The following EXT1 variants were observed in gnomAD, a reference collection of about 807,000 sequenced individuals.
EXT1 encodes the protein exostosin-1.
A neutral mutation model predicts 82.5 loss-of-function variants in EXT1; 20 were observed. The ratio of observed to expected loss-of-function variants is 0.24; its 90% CI spans 0.17 to 0.35. EXT1 has a LOEUF of 0.35. Ranked by LOEUF, EXT1 falls within the 10% of genes least tolerant of loss-of-function variation. EXT1 has a pLI of 1.00. For missense variants in EXT1, 757 were observed against 936.5 expected, an observed-to-expected ratio of 0.81 and a Z score of 2.50; for synonymous variants, 348 against 350.8, an observed-to-expected ratio of 0.99 and a Z score of 0.09.
intron 1 of EXT1, among the ~76,000 whole-genome samples, chr8:117,997,029 C>A (rs1337156364): frequency 7.9e-5 from 12 of 152,116 alleles, no homozygotes; most frequent in Admixed American, 6.6e-4. Context: ...TGAGTTCCTT[C>A]TCCATGTTAC....
In EXT1 at chr8:118,111,622, C is replaced by A. The variant is rs898476549; in HGVS notation, c.-576G>T. On this transcript the variant is annotated 5_prime_UTR_variant, in exon 1 of 11. Coordinates refer to ENST00000378204, the MANE Select transcript of EXT1 (RefSeq NM_000127.3). The stretch of plus-strand genomic sequence containing the variant: ...CATCTCTCTTTATTCCCTTCTGCAG[C>A]GGCTCCAAGACTCCGGCGGTGTTTA... The A allele has an allele frequency of 1.0e-5, 4 of 398,314 alleles. No homozygotes were observed. The highest frequency in any genetic ancestry group is 1.8e-5 in the Non-Finnish European group (4 of 226,128). 24.7% of individuals were successfully genotyped at this position (398,314 alleles called of 1,614,324 possible). A position where few individuals can be genotyped will look rare whatever the true frequency, so the allele number is the denominator to read the frequency against.
At position 118,037,845 on chromosome 8, in the gene EXT1, T is replaced by G. The variant is rs574398524; in HGVS notation, c.962+72240A>C. Among the ~76,000 whole-genome samples the G allele has an allele frequency of 5.4e-3, 804 of 147,580 alleles. 6 individuals carry two copies. The highest frequency in any genetic ancestry group is 0.015 in the African/African-American group (590 of 39,372). Reference sequence around the variant, plus strand: ...AACAAGAGTGTTTTTTGTTTTTTTTTTTTTTTTTTTTTGAGATGGAGTTTC... The same window carrying G: ...AACAAGAGTGTTTTTTGTTTTTTTTGTTTTTTTTTTTTGAGATGGAGTTTC... On this transcript the variant is annotated intron_variant, in intron 1 of 10. Transcript: ENST00000378204.
At chr8:117,891,979 G>C (rs1813252605) in intron 1 of EXT1, among the ~76,000 whole-genome samples, 2 of 151,938 alleles carry the variant, frequency 1.3e-5, no homozygotes, top group African/African-American at 4.8e-5. Context: ...GCTAATTTTT[G>C]TATTTTTAGT....
intron 1 of EXT1, among the ~76,000 whole-genome samples, chr8:117,883,681 T>C (rs919652491): frequency 6.6e-6 from 1 of 152,184 alleles, no homozygotes; most frequent in Non-Finnish European, 1.5e-5. Flanking sequence ...CAAAGTCCAC[T>C]AGCGAAGCAA....
chr8:117,914,935 T>C (rs372361532), intron 1 of EXT1, among the ~76,000 whole-genome samples: 1 of 152,180 alleles, frequency 6.6e-6, no homozygotes, highest in Admixed American at 6.5e-5. Context: ...TAGATCCTTA[T>C]TAGTAGTTCT....
At chr8:117,871,189 A>G (rs1374808758) in intron 1 of EXT1, among the ~76,000 whole-genome samples, 1 of 152,224 alleles carries the variant, frequency 6.6e-6, no homozygotes, top group Admixed American at 6.5e-5. Context: ...TTCTGATATA[A>G]TCAAGGAAAA....
chr8:118,019,723 TAA>T (rs1816067331), intron 1 of EXT1, among the ~76,000 whole-genome samples: 1 of 152,242 alleles, frequency 6.6e-6, no homozygotes, highest in African/African-American at 2.4e-5. Context: ...CGCTATGTAT[TAA>T]GTATTGTCAA....
chr8:117,854,310 G>A (rs1466377054), intron 1 of EXT1, among the ~76,000 whole-genome samples: 1 of 152,138 alleles, frequency 6.6e-6, no homozygotes, highest in Non-Finnish European at 1.5e-5. Context: ...ACCTACCCAG[G>A]GACCTCCGAT....
At chr8:117,930,271 TACC>T (rs1814031876) in intron 1 of EXT1, among the ~76,000 whole-genome samples, 1 of 151,958 alleles carries the variant, frequency 6.6e-6, no homozygotes, top group Non-Finnish European at 1.5e-5. Context: ...AGAAATGAAG[TACC>T]AAATGAAATG....
intron 1 of EXT1, among the ~76,000 whole-genome samples, chr8:117,939,049 T>C (rs1814222935): frequency 6.6e-6 from 1 of 152,078 alleles, no homozygotes; most frequent in African/African-American, 2.4e-5. Flanking sequence ...AAGCTGTTTT[T>C]TTTTCCCCCC....
chr8:117,799,562 T>C lies in EXT1; in HGVS notation c.*150A>G, dbSNP rs1475551141. 4 of 859,588 alleles carry C rather than the reference T, an allele frequency of 4.7e-6. No individual in the cohort carries two copies. Among genetic ancestry groups the C allele is most frequent in the Non-Finnish European group, 7.3e-6 (4 of 548,444 alleles). The allele number at this position is 859,588 out of a possible 1,614,324, so 53.2% of individuals were successfully genotyped here. A position where few individuals can be genotyped will look rare whatever the true frequency, so the allele number is the denominator to read the frequency against. On this transcript the variant is annotated 3_prime_UTR_variant, in exon 11 of 11. Transcript: ENST00000378204. Reference sequence around the variant, plus strand: ...CCAGGAGCCAGGAGTTGAGTTCTCATTGGCCTTTTTTTTTTTGTCATTCTG... The same window carrying C: ...CCAGGAGCCAGGAGTTGAGTTCTCACTGGCCTTTTTTTTTTTGTCATTCTG...
rs561766874 is a variant in EXT1, at chr8:117,939,572, A to G, written c.963-102371T>C. On this transcript the variant is annotated intron_variant, in intron 1 of 10. Transcript: ENST00000378204. ...CAACAAGAGTGAAACTCCATCTCTG[A>G]AAAAAAAAAAAAAAGAAAAAGAAAA... 3.1e-4 allele frequency among the ~76,000 whole-genome samples: 9 copies of G among 28,628 alleles called. 1 individual carries two copies. The East Asian group carries it at 3.5e-3, about 11-fold the overall frequency. The allele number at this position is 28,628 out of a possible 152,430, so 18.8% of individuals were successfully genotyped here. A position where few individuals can be genotyped will look rare whatever the true frequency, so the allele number is the denominator to read the frequency against.
intron 1 of EXT1, among the ~76,000 whole-genome samples, chr8:117,896,025 A>G (rs1356491064): frequency 6.6e-6 from 1 of 152,240 alleles, no homozygotes; most frequent in African/African-American, 2.4e-5. Flanking sequence ...AATGTTGTAA[A>G]ACGTAGAGAA....
rs1296156056 is a variant in EXT1, at chr8:118,052,584, A to C, written c.962+57501T>G. ...AATGATATGTGCAAGGCCATAGAAG[A>C]AGCTCCAAATCTAAGAGGTAAAAAA... On this transcript the variant is annotated intron_variant, in intron 1 of 10. Coordinates refer to ENST00000378204, the MANE Select transcript of EXT1 (RefSeq NM_000127.3). Among the ~76,000 whole-genome samples the C allele has an allele frequency of 9.2e-5, 14 of 152,346 alleles. No individual in the cohort carries two copies. In the South Asian group the frequency reaches 2.3e-3, roughly 25 times the overall value.
In EXT1 at chr8:117,917,443, C is replaced by T. The variant is rs146792674; in HGVS notation, c.963-80242G>A. ...TTGTGCCACTGCACTCCAGCCTGGA[C>T]GACAGAGTGAGACGCCATCTCAAAA... On this transcript the variant is annotated intron_variant, in intron 1 of 10. Transcript: ENST00000378204. Among the ~76,000 whole-genome samples, 985 of 152,264 alleles carry T rather than the reference C, an allele frequency of 6.5e-3. 9 individuals carry two copies. The highest frequency in any genetic ancestry group is 0.017 in the Middle Eastern group (5 of 294).
chr8:117,900,757 C>T (rs1163601514), intron 1 of EXT1, among the ~76,000 whole-genome samples: 1 of 152,162 alleles, frequency 6.6e-6, no homozygotes, highest in African/African-American at 2.4e-5. Context: ...GGGTGCCACA[C>T]ATTCAGCAAT....
rs368257120 is a variant in EXT1, at chr8:117,841,645, C to T, written c.963-4444G>A. ...TTTCAGATGGGCATTAAGTTCCCCA[C>T]GTGTAGGTAAAGAAGGACAAAAGGT... On this transcript the variant is annotated intron_variant, in intron 1 of 10. Transcript: ENST00000378204. 8.5e-5 allele frequency among the ~76,000 whole-genome samples: 13 copies of T among 152,148 alleles called. 1 individual carries two copies. The East Asian group carries it at 1.2e-3, about 14-fold the overall frequency.
intron 1 of EXT1, among the ~76,000 whole-genome samples, chr8:118,073,733 T>G (rs1817151453): frequency 6.6e-6 from 1 of 150,566 alleles, no homozygotes; most frequent in South Asian, 2.1e-4. Flanking sequence ...CCAGCACAAA[T>G]AATTCCTTAT....
intron 7 of EXT1, among the ~76,000 whole-genome samples, chr8:117,816,437 G>A (rs920562859): frequency 1.3e-5 from 2 of 152,068 alleles, no homozygotes; most frequent in African/African-American, 4.8e-5. Context: ...CTAGAATACT[G>A]AGCCTGAAGC....
Sources: gnomAD v4.1 joint callset for allele counts (sites outside exome capture counted in the v4.1 genomes callset) on GRCh38, gnomAD v4.1.1 for gene constraint, MANE v1.5 for transcripts, NCBI Gene and HGNC (gene_info 2026-07-23, HGNC 2026-07-21) for gene names.